Variants in EIF2B4 observed in about 807,000 individuals in gnomAD.
EIF2B4 encodes translation initiation factor eIF2B subunit delta.
In EIF2B4, 34 loss-of-function variants were observed where a neutral mutation model predicts 66.7. The observed-to-expected ratio is 0.51, with a 90% CI of 0.39 to 0.68. The LOEUF (loss-of-function observed/expected upper bound fraction) is 0.68. Among genes scored for constraint, EIF2B4 ranks in the 30% least tolerant of loss-of-function variants. The pLI is 0.00. For synonymous variants in EIF2B4, 278 were observed against 253.6 expected, an observed-to-expected ratio of 1.10 and a Z score of -0.92; for missense variants, 618 against 657.9, an observed-to-expected ratio of 0.94 and a Z score of 0.66.
intron 11 of EIF2B4, 138 bp from the exon 12 acceptor site, chr2:27,365,036 CAG>C (rs1681745227): frequency 3.5e-6 from 3 of 869,152 alleles, no homozygotes; most frequent in Non-Finnish European, 5.4e-6. Flanking sequence ...GAAACAAAAA[CAG>C]ACAACAAGTA....
At chr2:27,368,847 T>C (rs1682077120) in intron 4 of EIF2B4, 114 bp from the exon 5 acceptor site, 4 of 1,431,510 alleles carry the variant, frequency 2.8e-6, no homozygotes, top group African/African-American at 1.4e-5. Context: ...AACGGGAGAA[T>C]AGGGTAGAAA....
Position 27,364,918 on chromosome 2 carries a change from G to T in EIF2B4, c.1192-20C>A, listed in dbSNP as rs373193504. Reference sequence around the variant, plus strand: ...GGAAACCTGTTTCACAGGAGAAGAGGAAGAAAAAAATGTCATTGTTGTATC... The same window carrying T: ...GGAAACCTGTTTCACAGGAGAAGAGTAAGAAAAAAATGTCATTGTTGTATC... On this transcript the variant is annotated intron_variant, in intron 11 of 12. Transcript: ENST00000347454. The T allele has an allele frequency of 6.7e-5, 108 of 1,611,810 alleles. No homozygotes were observed. In the Middle Eastern group the frequency reaches 8.3e-4, roughly 12 times the overall value.
intron 5 of EIF2B4, 87 bp downstream of exon 5, chr2:27,368,567 T>A: frequency 6.4e-7 from 1 of 1,570,032 alleles, no homozygotes; most frequent in African/African-American, 1.3e-5. Flanking sequence ...CAAGCACCTA[T>A]CCTTCTCACT....
chr2:27,368,539 A>G, intron 5 of EIF2B4, 76 bp from the exon 6 acceptor site: 1 of 1,553,166 alleles, frequency 6.4e-7, no homozygotes, highest in South Asian at 1.1e-5. Context: ...GGAAGTGAAC[A>G]GTAAGACTAC....
rs761158565 is a variant in EIF2B4 at position 27,370,030 on chromosome 2, G to A, written c.32-111C>T. On this transcript the variant is annotated intron_variant, in intron 1 of 12. Coordinates refer to ENST00000347454, the MANE Select transcript of EIF2B4 (RefSeq NM_001034116.2). ...GGTTGGCATGACCACGGATCCGCCG[G>A]CAGGCGCGAGGCGAGCCAGGGATCC... The A allele has an allele frequency of 1.4e-5, 21 of 1,514,726 alleles. No individual in the cohort carries two copies. In the South Asian group the frequency reaches 2.4e-4, roughly 17 times the overall value. The allele number at this position is 1,514,726 out of a possible 1,614,324, so 93.8% of individuals were successfully genotyped here.
chr2:27,369,746 A>T lies in EIF2B4; in HGVS notation c.75+130T>A, dbSNP rs537176042. On this transcript the variant is annotated intron_variant, in intron 2 of 12. Transcript: ENST00000347454. ...AGAATCATATATCCCTAGGGTTGCA[A>T]GACCTCTGTAAAATCTCCTGGCTTT... 1.8e-4 allele frequency: 265 copies of T among 1,445,436 alleles called. 1 individual carries two copies. In the South Asian group the frequency reaches 3.2e-3, roughly 18 times the overall value. The allele number at this position is 1,445,436 out of a possible 1,614,324, so 89.5% of individuals were successfully genotyped here. A position where few individuals can be genotyped will look rare whatever the true frequency, so the allele number is the denominator to read the frequency against.
At chr2:27,367,701 C>T in intron 8 of EIF2B4, 45 bp downstream of exon 8, 1 of 1,597,412 alleles carries the variant, frequency 6.3e-7, no homozygotes, top group Non-Finnish European at 8.6e-7. Context: ...GAGTACAAGA[C>T]AAAGATTGGG....
chr2:27,366,218 GT>G (rs1558634233), intron 11 of EIF2B4: 47 of 5,024 alleles, frequency 9.4e-3, no homozygotes, highest in Middle Eastern at 0.17. Context: ...GGGGTGGGGT[GT>G]GTGTGTGTGT....
At chr2:27,367,869 C>T (rs763920629) in intron 7 of EIF2B4, 47 bp from the exon 8 acceptor site, 5 of 1,581,798 alleles carry the variant, frequency 3.2e-6, no homozygotes, top group Non-Finnish European at 4.3e-6. Context: ...TAATAAAGAT[C>T]TCTGAACGGG....
intron 9 of EIF2B4, 88 bp from the exon 10 acceptor site, chr2:27,367,289 G>A (rs767733036): frequency 2.5e-6 from 4 of 1,596,586 alleles, no homozygotes; most frequent in Non-Finnish European, 3.4e-6. Context: ...TGTGTATGAT[G>A]ACAAGCCTAT....
chr2:27,364,531 A>G lies in EIF2B4; in HGVS notation c.1441T>C (p.Ser481Pro). ...TAGACTAGATTCAACAACCGTAGGG[A>G]TGCGTGGTTCTGCCAGTTAGCCAGC... ...VALANWQNHA[S>P]LRLLNLVYDV... is the part of the protein sequence containing the mutation. The change falls in exon 13 of 13, where the codon TCC (serine) becomes CCC (proline). Residue 481 changes from serine to proline, a missense_variant. This residue lies in a region of EIF2B4 where 63 missense variants were observed against 47.5 expected (regional missense o/e 1.33). Transcript: ENST00000347454. 6.2e-7 allele frequency: 1 copy of G among 1,614,222 alleles called. No homozygotes were observed. The highest frequency in any genetic ancestry group is 1.1e-5 in the South Asian group (1 of 91,084).
rs1238631231 is a variant in EIF2B4, at chr2:27,369,870, A to G, written c.75+6T>C. On this transcript the variant is annotated splice_donor_region_variant and intron_variant, in intron 2 of 12. Coordinates refer to ENST00000347454, the MANE Select transcript of EIF2B4 (RefSeq NM_001034116.2). ...GCAGGCGGCTTGGGAGGGAAGCCTC[A>G]CTTACCCCAGGCCCAGGGGGAAGCT... 1 of 1,575,678 alleles carries G rather than the reference A, an allele frequency of 6.3e-7. No homozygotes were observed. Among genetic ancestry groups the G allele is most frequent in the Non-Finnish European group, 8.6e-7 (1 of 1,160,832 alleles).
At chr2:27,366,522 A>G in intron 11 of EIF2B4, 2 of 566,948 alleles carry the variant, frequency 3.5e-6, no homozygotes, top group Admixed American at 3.0e-5. Flanking sequence ...CTACAAGAAA[A>G]ATAAAAAACT....
chr2:27,370,180 G>T, intron 1 of EIF2B4, 104 bp downstream of exon 1: 7 of 1,544,352 alleles, frequency 4.5e-6, no homozygotes, highest in South Asian at 3.6e-5. Context: ...CCAGCGTGGC[G>T]CTGGAACGGA....
At chr2:27,365,058 T>G (rs545026054) in intron 11 of EIF2B4, 160 bp from the exon 12 acceptor site, 87 of 681,442 alleles carry the variant, frequency 1.3e-4, no homozygotes, top group Non-Finnish European at 1.9e-4. Context: ...AATAAATCTT[T>G]TTTTTTTTTT....
chr2:27,369,537 C>G lies in EIF2B4; in HGVS notation c.88G>C (p.Glu30Gln), dbSNP rs780113294. Residue 30 changes from glutamate to glutamine, a missense_variant, in exon 3 of 13, where the codon GAA becomes CAA. Transcript: ENST00000347454. ...TGCAGCTTTTCTTCTTTGGTCATTT[C>G]CCTCCCCACTGCCTGAGACACAGAC... is the stretch of plus-strand genomic sequence containing the variant. Reference protein sequence around the residue: ...LPPGPGAVGREMTKEEKLQLR... With the variant: ...LPPGPGAVGRQMTKEEKLQLR... 27 of 1,614,026 alleles carry G rather than the reference C, an allele frequency of 1.7e-5. No homozygotes were observed. Among genetic ancestry groups the G allele is most frequent in the Non-Finnish European group, 2.2e-5 (26 of 1,180,054 alleles).
chr2:27,367,296 C>T, intron 9 of EIF2B4, 95 bp from the exon 10 acceptor site: 1 of 1,591,770 alleles, frequency 6.3e-7, no homozygotes, highest in Non-Finnish European at 8.6e-7. Flanking sequence ...GATGACAAGC[C>T]TATAGAGGGC....
chr2:27,366,649 A>G, intron 11 of EIF2B4, 110 bp downstream of exon 11: 1 of 1,358,396 alleles, frequency 7.4e-7, no homozygotes, highest in African/African-American at 1.4e-5. Flanking sequence ...GCTGCACTCC[A>G]TCCTTATCTC....
At chr2:27,367,235 T>C (rs1681928253) in intron 9 of EIF2B4, 34 bp from the exon 10 acceptor site, 1 of 1,613,966 alleles carries the variant, frequency 6.2e-7, no homozygotes, top group Non-Finnish European at 8.5e-7. Context: ...GAACAAGAAA[T>C]GGACACTTTT....
Sources: gnomAD v4.1 joint callset for allele counts on GRCh38, gnomAD v4.1.1 for gene constraint, gnomAD v4.1.1 regional missense constraint, MANE v1.5 for transcripts, NCBI Gene and HGNC (gene_info 2026-07-23, HGNC 2026-07-21) for gene names.